Variants in SMYD1 observed in about 807,000 individuals in gnomAD.
SMYD1 encodes histone-lysine N-methyltransferase SMYD1.
SMYD1 carries 49 observed loss-of-function variants against 54.0 expected under a neutral mutation model. The observed-to-expected ratio is 0.91, with a 90% CI of 0.72 to 1.15. The LOEUF (loss-of-function observed/expected upper bound fraction) is 1.15, where lower values mean the gene tolerates loss of function less well. Ranked by LOEUF, SMYD1 falls within the 50% of genes most tolerant of loss-of-function variation. The pLI, the probability that SMYD1 is intolerant of heterozygous loss-of-function variation, is 0.00. For missense variants in SMYD1, 653 were observed against 639.6 expected (o/e 1.02, Z -0.23); for synonymous variants, 269 against 234.2 (o/e 1.15, Z -1.36).
chr2:88,079,999 C>A (rs1306472997), intron 1 of SMYD1, among the ~76,000 whole-genome samples: 1 of 152,202 alleles, frequency 6.6e-6, no homozygotes, highest in Non-Finnish European at 1.5e-5. Context: ...AATTACATAT[C>A]TTTTAATAAA....
intron 1 of SMYD1, among the ~76,000 whole-genome samples, chr2:88,078,816 C>T (rs1435403096): frequency 1.3e-5 from 2 of 152,216 alleles, no homozygotes; most frequent in Non-Finnish European, 2.9e-5. Flanking sequence ...TCCAGCCTTG[C>T]AGCTAAGCCC....
In SMYD1 at chr2:88,110,701, C is replaced by A; in HGVS notation, c.*189C>A. 1.6e-6 allele frequency: 1 copy of A among 620,486 alleles called. No individual in the cohort carries two copies. Among genetic ancestry groups the A allele is most frequent in the Non-Finnish European group, 2.6e-6 (1 of 386,582 alleles). 38.4% of individuals were successfully genotyped at this position (620,486 alleles called of 1,614,324 possible). A position where few individuals can be genotyped will look rare whatever the true frequency, so the allele number is the denominator to read the frequency against. ...TTCAAGTCTATTCAATTCAAGTTAACTCTAGCCCAGCCCAGATCAACTCCT... is the reference window on the plus strand; with the variant it reads ...TTCAAGTCTATTCAATTCAAGTTAAATCTAGCCCAGCCCAGATCAACTCCT... On this transcript the variant is annotated 3_prime_UTR_variant, in exon 10 of 10. Coordinates refer to ENST00000419482, the MANE Select transcript of SMYD1 (RefSeq NM_198274.4).
At chr2:88,079,527 C>T (rs191372347) in intron 1 of SMYD1, among the ~76,000 whole-genome samples, 8 of 152,242 alleles carry the variant, frequency 5.3e-5, no homozygotes, top group African/African-American at 1.7e-4. Context: ...GCAATAAGGT[C>T]ACTGAGTAAG....
At chr2:88,106,788 CTTGA>C (rs1440901711) in intron 8 of SMYD1, among the ~76,000 whole-genome samples, 1 of 152,190 alleles carries the variant, frequency 6.6e-6, no homozygotes, top group Non-Finnish European at 1.5e-5. Flanking sequence ...CTAACCCCAG[CTTGA>C]TTTTAAGTGA....
At position 88,069,447 on chromosome 2, in the gene SMYD1, A is replaced by G. The variant is rs181892605; in HGVS notation, c.137+1446A>G. On this transcript the variant is annotated intron_variant, in intron 1 of 9. Transcript: ENST00000419482. ...CATTAATCTGTGTGTGTGTATGTGT[A>G]TGTGTCAGGGGAGGGGTGAGTACAG... 7.2e-5 allele frequency among the ~76,000 whole-genome samples: 11 copies of G among 152,186 alleles called. No homozygotes were observed. The East Asian group carries it at 1.9e-3, about 27-fold the overall frequency.
intron 1 of SMYD1, among the ~76,000 whole-genome samples, chr2:88,073,383 G>A (rs1056823838): frequency 6.6e-6 from 1 of 152,184 alleles, no homozygotes; most frequent in East Asian, 1.9e-4. Flanking sequence ...GAGTGCAGGT[G>A]TGTTTTTGGT....
At chr2:88,079,197 C>T (rs1674133448) in intron 1 of SMYD1, among the ~76,000 whole-genome samples, 3 of 152,228 alleles carry the variant, frequency 2.0e-5, no homozygotes, top group African/African-American at 4.8e-5. Context: ...GTGAAGGCTG[C>T]TTTGCAGCAG....
chr2:88,081,952 T>C (rs1218628264), intron 1 of SMYD1, among the ~76,000 whole-genome samples: 2 of 152,120 alleles, frequency 1.3e-5, no homozygotes, highest in Admixed American at 6.5e-5. Context: ...TTTTCAGGAG[T>C]CCAGTTCCTG....
chr2:88,103,022 A>G, intron 6 of SMYD1, 36 bp from the exon 7 acceptor site: 1 of 1,573,682 alleles, frequency 6.4e-7, no homozygotes, highest in Non-Finnish European at 8.7e-7. Context: ...TTGCCTCATG[A>G]AGGCATCTCT....
intron 2 of SMYD1, among the ~76,000 whole-genome samples, chr2:88,085,145 A>G (rs755738079): frequency 3.3e-5 from 5 of 152,006 alleles, no homozygotes; most frequent in Admixed American, 1.3e-4. Context: ...TGAAAAAAAA[A>G]ATAAACAAAA....
chr2:88,088,838 C>T lies in SMYD1; in HGVS notation c.528+763C>T, dbSNP rs548878847. Among the ~76,000 whole-genome samples, 6 of 152,168 alleles carry T rather than the reference C, an allele frequency of 3.9e-5. No homozygotes were observed. In the South Asian group the frequency reaches 1.0e-3, roughly 26 times the overall value. On this transcript the variant is annotated intron_variant, in intron 3 of 9. Transcript: ENST00000419482. ...GGTTTTGGGGTGGGAGCAACCAAGC[C>T]AGACGAGGCCATAAGAGTCCGGGAA...
chr2:88,098,064 C>T lies in SMYD1; in HGVS notation c.888+1280C>T, dbSNP rs10172567. On this transcript the variant is annotated intron_variant, in intron 6 of 9. Transcript: ENST00000419482. ...ACTGAGCACTGCATCATGGGCGCTA[C>T]AGAAAAGAATTTGTTATTGCACTCA... Among the ~76,000 whole-genome samples the T allele has an allele frequency of 6.7e-3, 1,026 of 152,274 alleles. 11 individuals carry two copies. The highest frequency in any genetic ancestry group is 0.023 in the African/African-American group (946 of 41,546).
chr2:88,106,456 G>GTTCTATGC lies in SMYD1; in HGVS notation c.1114_1121dup (p.Arg375SerfsTer11). 1.9e-6 allele frequency: 3 copies of GTTCTATGC among 1,614,136 alleles called. No homozygotes were observed. The South Asian group carries it at 3.3e-5, about 18-fold the overall frequency. On this transcript the variant is annotated frameshift_variant, in exon 8 of 10. Coordinates refer to ENST00000419482, the MANE Select transcript of SMYD1 (RefSeq NM_198274.4). LOFTEE classifies it high-confidence loss of function. Reference sequence around the variant, plus strand: ...ACCTCCAGGCCTTTGAGGAGGCCTCGTTCTATGCCAGGAGGATGGTGGACG... The same window carrying GTTCTATGC: ...ACCTCCAGGCCTTTGAGGAGGCCTCGTTCTATGCTTCTATGCCAGGAGGATGGTGGACG...
chr2:88,092,020 G>C (rs1366608910), intron 4 of SMYD1, among the ~76,000 whole-genome samples: 1 of 152,228 alleles, frequency 6.6e-6, no homozygotes, highest in Non-Finnish European at 1.5e-5. Context: ...CAGCTAGTGA[G>C]AGCTGGACCC....
intron 7 of SMYD1, among the ~76,000 whole-genome samples, chr2:88,103,735 C>T (rs1249029271): frequency 6.6e-6 from 1 of 152,068 alleles, no homozygotes; most frequent in Non-Finnish European, 1.5e-5. Flanking sequence ...AAAGCCGAGA[C>T]CCACTGCCAA....
chr2:88,108,996 G>A (rs1031848363), intron 9 of SMYD1, among the ~76,000 whole-genome samples: 31 of 152,168 alleles, frequency 2.0e-4, no homozygotes, highest in African/African-American at 6.8e-4. Context: ...AGCAATTCAC[G>A]AGGGATCTGC....
rs1311433794 is a variant in SMYD1 at position 88,103,154 on chromosome 2, A to G, written c.981+4A>G. 4 of 1,610,002 alleles carry G rather than the reference A, an allele frequency of 2.5e-6. No individual in the cohort carries two copies. In the South Asian group the frequency reaches 3.3e-5, roughly 13 times the overall value. On this transcript the variant is annotated splice_donor_region_variant and intron_variant, in intron 7 of 9. Transcript: ENST00000419482. Reference sequence around the variant, plus strand: ...TTCCGAGGGTTTGTATCATGAGGTAAGAATTCACTTGTTATAGAGGATGGG... The same window carrying G: ...TTCCGAGGGTTTGTATCATGAGGTAGGAATTCACTTGTTATAGAGGATGGG...
intron 3 of SMYD1, among the ~76,000 whole-genome samples, chr2:88,090,282 T>C (rs1027558975): frequency 6.6e-6 from 1 of 152,268 alleles, no homozygotes; most frequent in Non-Finnish European, 1.5e-5. Context: ...GATGTATTTA[T>C]AGATGAAGTG....
intron 7 of SMYD1, among the ~76,000 whole-genome samples, chr2:88,103,926 G>GC (rs1465043010): frequency 2.0e-5 from 3 of 151,972 alleles, no homozygotes; most frequent in Admixed American, 1.3e-4. Context: ...ACTAGGGCAT[G>GC]CAGATTTGGG....
Sources: gnomAD v4.1 joint callset for allele counts (sites outside exome capture counted in the v4.1 genomes callset) on GRCh38, gnomAD v4.1.1 for gene constraint, MANE v1.5 for transcripts, NCBI Gene and HGNC (gene_info 2026-07-23, HGNC 2026-07-21) for gene names.